Variants in SPOCK1 observed in about 807,000 individuals in gnomAD.
The protein encoded by SPOCK1 is testican-1.
Under a neutral mutation model 55.3 loss-of-function variants are expected in SPOCK1, and 23 were observed. The ratio of observed to expected loss-of-function variants is 0.42; its 90% CI spans 0.30 to 0.59. SPOCK1 has a LOEUF of 0.59. SPOCK1 is among the 20% of genes least tolerant of loss of function. The pLI, the probability that SPOCK1 is intolerant of heterozygous loss-of-function variation, is 0.22. For missense variants in SPOCK1, 499 were observed against 552.5 expected, an observed-to-expected ratio of 0.90 and a Z score of 0.97; for synonymous variants, 226 against 221.0, an observed-to-expected ratio of 1.02 and a Z score of -0.20.
chr5:137,071,503 G>A (rs1233181155), intron 5 of SPOCK1, among the ~76,000 whole-genome samples: 1 of 152,186 alleles, frequency 6.6e-6, no homozygotes, highest in African/African-American at 2.4e-5. Context: ...TATAAAGTAA[G>A]CATTAGATTC....
At chr5:137,278,834 G>C (rs1580844019) in intron 2 of SPOCK1, among the ~76,000 whole-genome samples, 1 of 152,316 alleles carries the variant, frequency 6.6e-6, no homozygotes. Context: ...ATGGTCCAGA[G>C]AACCTACAAG....
intron 2 of SPOCK1, chr5:137,313,332 A>T: frequency 1.3e-6 from 1 of 761,716 alleles, no homozygotes; most frequent in Non-Finnish European, 1.6e-6. Flanking sequence ...AGTAGGGATG[A>T]GGTATGGGCA....
chr5:136,975,989 A>T lies in SPOCK1; in HGVS notation c.*2665T>A, dbSNP rs1000165394. On this transcript the variant is annotated 3_prime_UTR_variant, in exon 11 of 11. Coordinates refer to ENST00000394945, the MANE Select transcript of SPOCK1 (RefSeq NM_004598.4). Reference sequence around the variant, plus strand: ...CCTGTATCAAATGAGGAAGTGGTTTATTACAATATTTTTATAATCAGTATT... The same window carrying T: ...CCTGTATCAAATGAGGAAGTGGTTTTTTACAATATTTTTATAATCAGTATT... 15 of 152,220 alleles carry T rather than the reference A, an allele frequency of 9.9e-5. No individual in the cohort carries two copies. Among genetic ancestry groups the T allele is most frequent in the Admixed American group, 6.5e-4 (10 of 15,284 alleles). The allele number at this position is 152,220 out of a possible 1,614,324, so 9.4% of individuals were successfully genotyped here.
intron 2 of SPOCK1, among the ~76,000 whole-genome samples, chr5:137,456,991 G>A (rs1330143889): frequency 6.6e-6 from 1 of 152,174 alleles, no homozygotes; most frequent in Non-Finnish European, 1.5e-5. Flanking sequence ...TCTGCAAGTT[G>A]TTTGGCCAAC....
At chr5:137,251,405 C>G (rs576673583) in intron 3 of SPOCK1, among the ~76,000 whole-genome samples, 1 of 152,360 alleles carries the variant, frequency 6.6e-6, no homozygotes, top group East Asian at 1.9e-4. Flanking sequence ...AGCCAGGAGA[C>G]TGCAGACTAG....
At chr5:137,283,647 G>A (rs576281892) in intron 2 of SPOCK1, among the ~76,000 whole-genome samples, 44 of 152,088 alleles carry the variant, frequency 2.9e-4, no homozygotes, top group Non-Finnish European at 5.6e-4. Context: ...CCCAGGAGGT[G>A]GAGGTTGAAG....
chr5:137,480,303 TCACA>T (rs6149262), intron 2 of SPOCK1, among the ~76,000 whole-genome samples: 27,748 of 140,052 alleles, frequency 0.2, 2,653 homozygotes, highest in Admixed American at 0.27. Context: ...TTGCTCTCCT[TCACA>T]CACACACACA....
intron 5 of SPOCK1, among the ~76,000 whole-genome samples, chr5:137,108,086 T>A (rs924731156): frequency 3.3e-5 from 5 of 152,204 alleles, no homozygotes; most frequent in Admixed American, 2.6e-4. Flanking sequence ...GGGAAGTCAT[T>A]TGCTCCTTTA....
chr5:137,180,801 G>T (rs1754956814), intron 3 of SPOCK1, among the ~76,000 whole-genome samples: 1 of 152,168 alleles, frequency 6.6e-6, no homozygotes, highest in Non-Finnish European at 1.5e-5. Flanking sequence ...GAAGCCCCCA[G>T]GGTTTAGGCA....
At chr5:137,388,282 C>T (rs942091031) in intron 2 of SPOCK1, among the ~76,000 whole-genome samples, 7 of 152,058 alleles carry the variant, frequency 4.6e-5, no homozygotes, top group East Asian at 1.9e-4. Context: ...ACTGAAAGCA[C>T]GCAAACTATA....
At chr5:137,428,227 G>A (rs550896748) in intron 2 of SPOCK1, among the ~76,000 whole-genome samples, 2 of 152,298 alleles carry the variant, frequency 1.3e-5, no homozygotes, top group Middle Eastern at 3.4e-3. Flanking sequence ...GACAGTAGTA[G>A]GAGAGAGACT....
chr5:137,160,361 TATAA>T lies in SPOCK1; in HGVS notation c.233-19671_233-19668del, dbSNP rs939337641. Among the ~76,000 whole-genome samples, 192 of 133,530 alleles carry T rather than the reference TATAA, an allele frequency of 1.4e-3. No individual in the cohort carries two copies. In the Admixed American group the frequency reaches 0.017, roughly 12 times the overall value. The allele number at this position is 133,530 out of a possible 152,430, so 87.6% of individuals were successfully genotyped here. On this transcript the variant is annotated intron_variant, in intron 3 of 10. Transcript: ENST00000394945. ...TATATTATATTATATTATATAAATA[TATAA>T]ATATATAAAATATTTAAAACATAAA...
intron 6 of SPOCK1, among the ~76,000 whole-genome samples, chr5:137,035,165 T>C (rs1751858370): frequency 6.6e-6 from 1 of 152,140 alleles, no homozygotes; most frequent in South Asian, 2.1e-4. Flanking sequence ...TTTCTACAGG[T>C]GTCTGTGCTG....
chr5:137,376,675 T>G (rs1054339590), intron 2 of SPOCK1, among the ~76,000 whole-genome samples: 2 of 152,198 alleles, frequency 1.3e-5, no homozygotes, highest in Admixed American at 6.6e-5. Flanking sequence ...ATGGGAAAAG[T>G]AACTCCTGGA....
intron 3 of SPOCK1, among the ~76,000 whole-genome samples, chr5:137,184,229 G>A (rs1359129955): frequency 6.6e-6 from 1 of 152,168 alleles, no homozygotes; most frequent in Non-Finnish European, 1.5e-5. Flanking sequence ...CTCTGTTTAA[G>A]AGGCTAGCCA....
chr5:137,332,610 T>C (rs1239873368), intron 2 of SPOCK1, among the ~76,000 whole-genome samples: 1 of 152,212 alleles, frequency 6.6e-6, no homozygotes, highest in Non-Finnish European at 1.5e-5. Context: ...TGTGCCACGT[T>C]TTGTGCAGAT....
chr5:137,024,323 G>GGA (rs386405064), intron 6 of SPOCK1, among the ~76,000 whole-genome samples: 1 of 143,286 alleles, frequency 7.0e-6, no homozygotes, highest in African/African-American at 2.6e-5. Context: ...AAGGGGGGGG[G>GGA]GTAGTTACAA....
intron 5 of SPOCK1, among the ~76,000 whole-genome samples, chr5:137,077,679 TA>T (rs1752798466): frequency 6.6e-6 from 1 of 152,200 alleles, no homozygotes; most frequent in Non-Finnish European, 1.5e-5. Context: ...TATTCCTAGC[TA>T]ACAGATTAAC....
At chr5:137,044,979 T>A (rs1248311194) in intron 6 of SPOCK1, among the ~76,000 whole-genome samples, 1 of 135,236 alleles carries the variant, frequency 7.4e-6, no homozygotes, top group Non-Finnish European at 1.6e-5. Context: ...GAACTCATCA[T>A]TTTTTATGGC....
Sources: gnomAD v4.1 joint callset for allele counts (sites outside exome capture counted in the v4.1 genomes callset) on GRCh38, gnomAD v4.1.1 for gene constraint, MANE v1.5 for transcripts, NCBI Gene and HGNC (gene_info 2026-07-23, HGNC 2026-07-21) for gene names.